The following ARFGEF2 variants were observed in gnomAD, a reference collection of about 807,000 sequenced individuals.
ARFGEF2 encodes brefeldin A-inhibited guanine nucleotide-exchange protein 2.
In ARFGEF2, 74 loss-of-function variants were observed where a neutral mutation model predicts 219.9. The ratio of observed to expected loss-of-function variants is 0.34; its 90% confidence interval spans 0.28 to 0.41. ARFGEF2 has a LOEUF of 0.41. ARFGEF2 is among the 10% of genes least tolerant of loss of function. ARFGEF2 has a pLI of 1.00. For missense variants in ARFGEF2, 1,743 were observed against 2,218.3 expected (o/e 0.79, Z 4.30); for synonymous variants, 733 against 799.2 (o/e 0.92, Z 1.40).
At chr20:48,962,080 T>G (rs1203702561) in intron 6 of ARFGEF2, among the ~76,000 whole-genome samples, 1 of 152,044 alleles carries the variant, frequency 6.6e-6, no homozygotes, top group East Asian at 1.9e-4. Context: ...CTCAGGAGGC[T>G]GAGACAGGAG....
chr20:49,029,988 A>G (rs1600562885), intron 37 of ARFGEF2, among the ~76,000 whole-genome samples: 1 of 134,220 alleles, frequency 7.5e-6, no homozygotes, highest in Non-Finnish European at 1.5e-5. Context: ...GCTCACTGCC[A>G]CCTCTGCCTC....
chr20:48,950,833 T>A (rs1189549654), intron 3 of ARFGEF2, among the ~76,000 whole-genome samples: 3 of 132,832 alleles, frequency 2.3e-5, no homozygotes, highest in African/African-American at 8.4e-5. Context: ...TATATATATA[T>A]ATATATATAT....
intron 1 of ARFGEF2, among the ~76,000 whole-genome samples, chr20:48,922,743 T>A (rs914120742): frequency 2.6e-5 from 4 of 152,250 alleles, no homozygotes; most frequent in African/African-American, 9.6e-5. Flanking sequence ...AACTAATAGT[T>A]AAAGGCTTGA....
chr20:49,012,198 C>T, intron 28 of ARFGEF2, 114 bp downstream of exon 28: 1 of 1,398,714 alleles, frequency 7.1e-7, no homozygotes, highest in Non-Finnish European at 1.0e-6. Context: ...TGTGTGTTTG[C>T]CCTAAATTAG....
Position 48,989,357 on chromosome 20 carries a change from C to T in ARFGEF2, c.2606C>T (p.Ala869Val), listed in dbSNP as rs2091344284. The stretch of plus-strand genomic sequence containing the variant: ...GAGCAAATGGCTAAAACAGCCAAAG[C>T]TCTGATGGAGGCTGTGAGCCATGCC... ...EMEQMAKTAK[A>V]LMEAVSHAKA... The change falls in exon 19 of 39, where the codon GCT becomes GTT. Residue 869 changes from alanine (A) to valine (V), a missense_variant. By Grantham distance (64) the Ala-to-Val change is moderately conservative. Transcript: ENST00000371917. 6.2e-7 allele frequency: 1 copy of T among 1,614,204 alleles called. No homozygotes were observed. Among genetic ancestry groups the T allele is most frequent in the Non-Finnish European group, 8.5e-7 (1 of 1,180,028 alleles).
intron 25 of ARFGEF2, among the ~76,000 whole-genome samples, chr20:49,002,336 G>T (rs1449839846): frequency 6.6e-6 from 1 of 152,136 alleles, no homozygotes; most frequent in Non-Finnish European, 1.5e-5. Flanking sequence ...ACATTGTTGG[G>T]CAACAGATCT....
intron 20 of ARFGEF2, among the ~76,000 whole-genome samples, chr20:48,990,262 T>C (rs2091350276): frequency 6.6e-6 from 1 of 152,200 alleles, no homozygotes; most frequent in African/African-American, 2.4e-5. Context: ...TTCATCTGCC[T>C]AACTTGCCTG....
In ARFGEF2 at chr20:48,989,696, T is replaced by C; in HGVS notation, c.2814+12T>C. 1.2e-6 allele frequency: 2 copies of C among 1,614,060 alleles called. No individual in the cohort carries two copies. Among genetic ancestry groups the C allele is most frequent in the Non-Finnish European group, 1.7e-6 (2 of 1,180,008 alleles). On this transcript the variant is annotated intron_variant, in intron 20 of 38. Coordinates refer to ENST00000371917, the MANE Select transcript of ARFGEF2 (RefSeq NM_006420.3). ...TCTTTGGAATGCAGGTAGGTGTAAG[T>C]CAGCAACACTCCAGAGATACTGGTG...
At chr20:48,998,015 G>T (rs41304423) in intron 23 of ARFGEF2, 178 bp from the exon 24 acceptor site, 4 of 613,994 alleles carry the variant, frequency 6.5e-6, no homozygotes, top group Non-Finnish European at 1.2e-5. Flanking sequence ...CCGCCACCAC[G>T]CCCAGCTAAT....
intron 25 of ARFGEF2, among the ~76,000 whole-genome samples, chr20:48,998,793 G>T (rs2091407332): frequency 6.6e-6 from 1 of 152,164 alleles, no homozygotes; most frequent in Admixed American, 6.5e-5. Context: ...CAAATACACT[G>T]ATGCTTGGAA....
chr20:49,030,818 CCT>C (rs1429414889), intron 37 of ARFGEF2, among the ~76,000 whole-genome samples: 2 of 151,846 alleles, frequency 1.3e-5, no homozygotes, highest in African/African-American at 4.8e-5. Context: ...CCAACATGGC[CCT>C]GTCTCTACTA....
intron 22 of ARFGEF2, among the ~76,000 whole-genome samples, chr20:48,995,467 A>C (rs1310078814): frequency 6.6e-6 from 1 of 152,202 alleles, no homozygotes; most frequent in Non-Finnish European, 1.5e-5. Context: ...ATGTTCTAGG[A>C]GCTCTGGATT....
At chr20:48,930,520 G>A (rs781685325) in intron 1 of ARFGEF2, among the ~76,000 whole-genome samples, 3 of 152,232 alleles carry the variant, frequency 2.0e-5, no homozygotes, top group Non-Finnish European at 4.4e-5. Context: ...GCATGGGAAA[G>A]AGGATTGATA....
intron 14 of ARFGEF2, 35 bp from the exon 15 acceptor site, chr20:48,984,694 A>G (rs1291851351): frequency 1.2e-6 from 2 of 1,613,820 alleles, no homozygotes; most frequent in Non-Finnish European, 1.7e-6. Context: ...AGATTTTGAA[A>G]TAAGCAACTT....
chr20:48,998,880 A>T (rs1160115584), intron 25 of ARFGEF2, among the ~76,000 whole-genome samples: 1 of 152,178 alleles, frequency 6.6e-6, no homozygotes, highest in African/African-American at 2.4e-5. Flanking sequence ...TTTACTCTTC[A>T]ATGTCACTGC....
intron 34 of ARFGEF2, among the ~76,000 whole-genome samples, chr20:49,019,201 T>C (rs1270108256): frequency 6.6e-6 from 1 of 152,230 alleles, no homozygotes; most frequent in African/African-American, 2.4e-5. Flanking sequence ...CATGCACATA[T>C]ACATTCATAT....
chr20:48,995,804 T>G lies in ARFGEF2; in HGVS notation c.3143T>G (p.Val1048Gly), dbSNP rs1600641988. Reference sequence around the variant, plus strand: ...TCAGGTAATTTGGTGAGTGGCGGAGTGGATAAAAGACAGATGGCCAGCTTC... The same window carrying G: ...TCAGGTAATTTGGTGAGTGGCGGAGGGGATAAAAGACAGATGGCCAGCTTC... ...LGLGNLVSGG[V>G]DKRQMASFQE... The change falls in exon 23 of 39, where the codon GTG becomes GGG. Residue 1048 changes from valine (V) to glycine (G), a missense_variant. Physicochemically the swap from Val to Gly is moderately radical, Grantham distance 109. This residue lies in a region of ARFGEF2 where 666 missense variants were observed against 955.4 expected (regional missense o/e 0.70). Transcript: ENST00000371917. The G allele has an allele frequency of 6.2e-7, 1 of 1,613,950 alleles. No homozygotes were observed.
chr20:48,997,260 T>TTATG (rs1348450917), intron 23 of ARFGEF2, among the ~76,000 whole-genome samples: 4 of 133,374 alleles, frequency 3.0e-5, no homozygotes, highest in East Asian at 2.3e-4. Flanking sequence ...GTACTATATC[T>TTATG]TATGTATTGA....
chr20:48,991,464 A>AT lies in ARFGEF2; in HGVS notation c.2973+283dup, dbSNP rs71337479. 0.037 allele frequency among the ~76,000 whole-genome samples: 4,931 copies of AT among 134,928 alleles called. 91 individuals carry two copies. Among genetic ancestry groups the AT allele is most frequent in the Middle Eastern group, 0.083 (21 of 252 alleles). The allele number at this position is 134,928 out of a possible 152,430, so 88.5% of individuals were successfully genotyped here. ...GCAACTTTCTTTCCATATTAGTGCC[A>AT]TTTTTTTTTTTTTTTTTAGTCCTTA... On this transcript the variant is annotated intron_variant, in intron 21 of 38. Transcript: ENST00000371917.
Sources: allele counts gnomAD v4.1 joint callset (sites outside exome capture counted in the v4.1 genomes callset), GRCh38; gene constraint gnomAD v4.1.1; regional missense constraint gnomAD v4.1.1; transcripts MANE v1.5; gene names NCBI Gene and HGNC (gene_info 2026-07-23, HGNC 2026-07-21).